Variants in BLM observed in about 807,000 individuals in gnomAD.
BLM encodes the protein BLM RecQ like helicase, also known as recQ-like DNA helicase BLM.
Under a neutral mutation model 135.3 loss-of-function variants are expected in BLM, and 95 were observed. That is an observed-to-expected ratio of 0.70 (90% CI 0.59 to 0.83). BLM has a LOEUF of 0.83. Among genes scored for constraint, BLM ranks in the 40% least tolerant of loss-of-function variants. The probability of loss-of-function intolerance (pLI) is 0.00; values close to 1 mark genes in which losing one functional copy is unlikely to be tolerated. For missense variants in BLM, 1,518 were observed against 1,663.9 expected (o/e 0.91, Z 1.53); for synonymous variants, 520 against 589.2 (o/e 0.88, Z 1.70).
At chr15:90,768,078 G>T (rs1476512995) in intron 10 of BLM, among the ~76,000 whole-genome samples, 1 of 151,774 alleles carries the variant, frequency 6.6e-6, no homozygotes, top group Non-Finnish European at 1.5e-5. Flanking sequence ...AAGTAGCTAG[G>T]AATACAGGTG....
intron 12 of BLM, among the ~76,000 whole-genome samples, chr15:90,770,182 T>A (rs1241760370): frequency 7.1e-6 from 1 of 140,694 alleles, no homozygotes; most frequent in East Asian, 2.4e-4. Context: ...CCCCCCTTTT[T>A]TTTTTTTTTG....
chr15:90,767,650 G>A lies in BLM; in HGVS notation c.2307+627G>A, dbSNP rs78121052. Among the ~76,000 whole-genome samples the A allele has an allele frequency of 6.5e-3, 997 of 152,232 alleles. 12 individuals are homozygous for A. Among genetic ancestry groups the A allele is most frequent in the African/African-American group, 0.021 (887 of 41,538 alleles). Reference sequence around the variant, plus strand: ...GTCAGGAGGCACTTGATGTCGATTCGTCCCATTACTGACAATGTTAGTTAA... The same window carrying A: ...GTCAGGAGGCACTTGATGTCGATTCATCCCATTACTGACAATGTTAGTTAA... On this transcript the variant is annotated intron_variant, in intron 10 of 21. Coordinates refer to ENST00000355112, the MANE Select transcript of BLM (RefSeq NM_000057.4).
At position 90,809,347 on chromosome 15, in the gene BLM, A is replaced by C. The variant is rs2151198500; in HGVS notation, c.3874+88A>C. On this transcript the variant is annotated intron_variant, in intron 20 of 21. Coordinates refer to ENST00000355112, the MANE Select transcript of BLM (RefSeq NM_000057.4). ...GAATTAGAAGGATGCAGTTGTGTGAATGCTTCCTACACCTCGTCACACTGA... is the reference window on the plus strand; with the variant it reads ...GAATTAGAAGGATGCAGTTGTGTGACTGCTTCCTACACCTCGTCACACTGA... 2.5e-6 allele frequency: 4 copies of C among 1,593,072 alleles called. No individual in the cohort carries two copies. In the South Asian group the frequency reaches 4.4e-5, roughly 18 times the overall value.
At chr15:90,790,599 C>A in intron 14 of BLM, 50 bp from the exon 15 acceptor site, 1 of 1,536,260 alleles carries the variant, frequency 6.5e-7, no homozygotes, top group Non-Finnish European at 9.0e-7. Context: ...TGAAAATGTT[C>A]CTTCAAGTCT....
intron 12 of BLM, among the ~76,000 whole-genome samples, chr15:90,778,551 C>T (rs72751843): frequency 0.17 from 26,217 of 152,144 alleles, 2,324 homozygotes; most frequent in African/African-American, 0.19. Flanking sequence ...CCTGCCAGCC[C>T]TAGGCAACCA....
intron 4 of BLM, among the ~76,000 whole-genome samples, chr15:90,753,668 T>G (rs1401445697): frequency 6.6e-6 from 1 of 152,250 alleles, no homozygotes. Flanking sequence ...ATGCTACATT[T>G]TATTTCAGTT....
intron 1 of BLM, among the ~76,000 whole-genome samples, chr15:90,731,732 C>T (rs1205593634): frequency 6.6e-6 from 1 of 152,070 alleles, no homozygotes; most frequent in Non-Finnish European, 1.5e-5. Flanking sequence ...TCAATCTCTT[C>T]TTTTTTGTCT....
At chr15:90,735,213 A>G (rs997212915) in intron 1 of BLM, among the ~76,000 whole-genome samples, 49 of 143,584 alleles carry the variant, frequency 3.4e-4, no homozygotes, top group African/African-American at 1.1e-3. Flanking sequence ...ACAGGACAAC[A>G]ACATCATAAA....
At chr15:90,752,609 T>C (rs1895717981) in intron 4 of BLM, among the ~76,000 whole-genome samples, 1 of 152,228 alleles carries the variant, frequency 6.6e-6, no homozygotes, top group Non-Finnish European at 1.5e-5. Flanking sequence ...AAAAAAATCC[T>C]ACAGGATAGA....
Position 90,733,328 on chromosome 15 carries a change from G to C in BLM, c.-4-14061G>C, listed in dbSNP as rs563139588. ...TAGTTTACCAAAATTGACTCAAGTA[G>C]ATGTTGGAAGTTAAATAGCTCAATT... On this transcript the variant is annotated intron_variant, in intron 1 of 21. Coordinates refer to ENST00000355112, the MANE Select transcript of BLM (RefSeq NM_000057.4). Among the ~76,000 whole-genome samples the C allele has an allele frequency of 2.7e-4, 41 of 152,296 alleles. No individual in the cohort carries two copies. The South Asian group carries it at 5.0e-3, about 18-fold the overall frequency.
At chr15:90,783,596 G>T (rs893603631) in intron 13 of BLM, among the ~76,000 whole-genome samples, 3 of 151,982 alleles carry the variant, frequency 2.0e-5, no homozygotes, top group African/African-American at 7.3e-5. Context: ...TATAATATAT[G>T]CTCATTAAAG....
intron 1 of BLM, among the ~76,000 whole-genome samples, chr15:90,732,467 A>G (rs1325792720): frequency 1.3e-5 from 2 of 151,976 alleles, no homozygotes; most frequent in Non-Finnish European, 2.9e-5. Context: ...TGAAATTTAT[A>G]AAAAAGCAGA....
At chr15:90,725,702 G>A (rs1218997670) in intron 1 of BLM, among the ~76,000 whole-genome samples, 3 of 149,946 alleles carry the variant, frequency 2.0e-5, no homozygotes, top group Non-Finnish European at 3.0e-5. Context: ...TAGTAGAGAC[G>A]GGGTTTCACT....
chr15:90,797,330 C>T (rs528493512), intron 16 of BLM, among the ~76,000 whole-genome samples: 30 of 147,370 alleles, frequency 2.0e-4, no homozygotes, highest in African/African-American at 7.4e-4. Flanking sequence ...GCAGGAGAAT[C>T]GCTTGAACCT....
intron 11 of BLM, 22 bp downstream of exon 11, chr15:90,769,253 C>G: frequency 6.3e-7 from 1 of 1,576,228 alleles, no homozygotes; most frequent in South Asian, 1.1e-5. Context: ...TTTTTATATC[C>G]GGAAATACCG....
intron 1 of BLM, among the ~76,000 whole-genome samples, chr15:90,731,150 A>G (rs1173132982): frequency 6.6e-6 from 1 of 152,128 alleles, no homozygotes; most frequent in East Asian, 1.9e-4. Context: ...CACACTGCCC[A>G]GGCTGGTCTC....
chr15:90,720,365 T>C (rs529720357), intron 1 of BLM, among the ~76,000 whole-genome samples: 21 of 152,214 alleles, frequency 1.4e-4, no homozygotes, highest in Non-Finnish European at 1.9e-4. Context: ...AGGGAACTAT[T>C]GAGTTTACTT....
intron 20 of BLM, among the ~76,000 whole-genome samples, chr15:90,810,390 C>A (rs1032018179): frequency 2.0e-5 from 3 of 152,216 alleles, no homozygotes; most frequent in African/African-American, 7.2e-5. Context: ...GTAATTAGTC[C>A]ATTAAAAGCC....
chr15:90,802,570 G>A (rs1214860228), intron 17 of BLM, among the ~76,000 whole-genome samples: 1 of 152,162 alleles, frequency 6.6e-6, no homozygotes, highest in Admixed American at 6.5e-5. Context: ...AAAAAGAATA[G>A]ACTTAAATAC....
Sources: allele counts gnomAD v4.1 joint callset (sites outside exome capture counted in the v4.1 genomes callset), GRCh38; gene constraint gnomAD v4.1.1; transcripts MANE v1.5; gene names NCBI Gene and HGNC (gene_info 2026-07-23, HGNC 2026-07-21).